SLC35D4: variants seen among roughly 807,000 people sequenced by gnomAD.
SLC35D4 encodes UDP-N-acetylglucosamine transporter SLC35D4.
chr18:23,344,587 C>CT, the SLC35D4 span, among the ~76,000 whole-genome samples: 6 of 134,092 alleles, frequency 4.5e-5, no homozygotes, highest in East Asian at 2.4e-4. Flanking sequence ...TTTTCTTTTT[C>CT]TTTTTTTTTC....
At chr18:23,270,358 C>T in the SLC35D4 span, among the ~76,000 whole-genome samples, 1 of 152,340 alleles carries the variant, frequency 6.6e-6, no homozygotes, top group African/African-American at 2.4e-5. Flanking sequence ...GTAGGAATGC[C>T]TGCATGTCTA....
At chr18:23,403,428 G>C in the SLC35D4 span, among the ~76,000 whole-genome samples, 2 of 152,210 alleles carry the variant, frequency 1.3e-5, no homozygotes, top group Non-Finnish European at 2.9e-5. Context: ...AGTTAAACTG[G>C]CTACAGGAGA....
At chr18:23,265,205 A>G in the SLC35D4 span, among the ~76,000 whole-genome samples, 3,905 of 152,246 alleles carry the variant, frequency 0.026, 178 homozygotes, top group African/African-American at 0.089. Flanking sequence ...CTGGAAGGAG[A>G]GACACTGACC....
the SLC35D4 span, among the ~76,000 whole-genome samples, chr18:23,246,350 C>T: frequency 1.1e-4 from 17 of 151,398 alleles, no homozygotes; most frequent in South Asian, 2.1e-4. Flanking sequence ...CTTTGATTTA[C>T]AGTAGCATGC....
At chr18:23,273,799 A>T in the SLC35D4 span, among the ~76,000 whole-genome samples, 6 of 152,162 alleles carry the variant, frequency 3.9e-5, no homozygotes, top group Admixed American at 3.9e-4. Context: ...TGATGGTCAT[A>T]AGGATAACAG....
At chr18:23,415,319 A>AT in the SLC35D4 span, among the ~76,000 whole-genome samples, 6 of 152,212 alleles carry the variant, frequency 3.9e-5, no homozygotes, top group African/African-American at 1.4e-4. Flanking sequence ...TCACAAAGGT[A>AT]TTGTAGCATA....
chr18:23,350,545 C>T, the SLC35D4 span, among the ~76,000 whole-genome samples: 4 of 152,170 alleles, frequency 2.6e-5, no homozygotes, highest in African/African-American at 9.7e-5. Flanking sequence ...CTCATATACA[C>T]AGACTAAGTT....
chr18:23,256,175 A>C, the SLC35D4 span, among the ~76,000 whole-genome samples: 1 of 152,246 alleles, frequency 6.6e-6, no homozygotes, highest in South Asian at 2.1e-4. Flanking sequence ...TATTTTATTA[A>C]GACAAAAGCT....
the SLC35D4 span, among the ~76,000 whole-genome samples, chr18:23,283,808 CAA>C: frequency 6.0e-4 from 57 of 95,278 alleles, no homozygotes; most frequent in African/African-American, 6.2e-4. Context: ...GACTCCATCT[CAA>C]AAAAAAAAAA....
the SLC35D4 span, among the ~76,000 whole-genome samples, chr18:23,277,713 T>A: frequency 6.6e-6 from 1 of 152,166 alleles, no homozygotes; most frequent in Non-Finnish European, 1.5e-5. Flanking sequence ...TAACTAGGGA[T>A]TTCTAGCCAA....
At chr18:23,305,515 A>C in the SLC35D4 span, among the ~76,000 whole-genome samples, 2 of 152,262 alleles carry the variant, frequency 1.3e-5, no homozygotes, top group Non-Finnish European at 2.9e-5. Context: ...CATCTTTAAA[A>C]TATGGATGAC....
At chr18:23,313,192 T>C in the SLC35D4 span, among the ~76,000 whole-genome samples, 964 of 125,040 alleles carry the variant, frequency 7.7e-3, 11 homozygotes, top group African/African-American at 0.027. Flanking sequence ...GGAGGGCACA[T>C]GAACATGCAA....
the SLC35D4 span, among the ~76,000 whole-genome samples, chr18:23,244,562 T>C: frequency 6.6e-6 from 1 of 152,328 alleles, no homozygotes; most frequent in African/African-American, 2.4e-5. Context: ...ATAGATTTAG[T>C]CGAGGGCCAC....
At chr18:23,431,638 T>C in the SLC35D4 span, among the ~76,000 whole-genome samples, 1 of 152,218 alleles carries the variant, frequency 6.6e-6, no homozygotes, top group Non-Finnish European at 1.5e-5. Flanking sequence ...TCAAACCAAT[T>C]CTGCATAGGA....
chr18:23,256,312 A>C, the SLC35D4 span, among the ~76,000 whole-genome samples: 2 of 152,190 alleles, frequency 1.3e-5, no homozygotes, highest in Non-Finnish European at 2.9e-5. Flanking sequence ...GCAAGATGCC[A>C]CCAGGCTCAG....
chr18:23,394,434 T>C, the SLC35D4 span, among the ~76,000 whole-genome samples: 1 of 152,192 alleles, frequency 6.6e-6, no homozygotes, highest in Non-Finnish European at 1.5e-5. Flanking sequence ...TTTTATGAGT[T>C]CTCTATATAG....
chr18:23,385,038 A>C, the SLC35D4 span: 2 of 1,613,708 alleles, frequency 1.2e-6, no homozygotes, highest in South Asian at 2.2e-5. Context: ...CTTCAGCTAC[A>C]TTATGCAAAG....
the SLC35D4 span, among the ~76,000 whole-genome samples, chr18:23,421,103 G>A: frequency 1.3e-5 from 2 of 151,956 alleles, no homozygotes; most frequent in African/African-American, 4.8e-5. Context: ...AATTAGCCGG[G>A]CATGGTGGTG....
the SLC35D4 span, among the ~76,000 whole-genome samples, chr18:23,356,903 C>T: frequency 1.1e-4 from 16 of 152,208 alleles, no homozygotes; most frequent in Admixed American, 3.3e-4. This position sits in a 1 kb window ranked among gnomAD's most constrained non-coding sequence, Gnocchi z 4.1. Context: ...GGGCCCAATA[C>T]TAAAATCTTT....
Sources: gnomAD v4.1 joint callset for allele counts (sites outside exome capture counted in the v4.1 genomes callset) on GRCh38, gnomAD v4.1.1 for gene constraint, Gnocchi (gnomAD v3.1) non-coding constraint, MANE v1.5 for transcripts, NCBI Gene and HGNC (gene_info 2026-07-23, HGNC 2026-07-21) for gene names.